PTK2B: variants seen among roughly 807,000 people sequenced by gnomAD.
The protein encoded by PTK2B is protein-tyrosine kinase 2-beta.
Under a neutral mutation model 142.9 loss-of-function variants are expected in PTK2B, and 71 were observed. The observed-to-expected ratio is 0.50, with a 90% CI of 0.41 to 0.61. The LOEUF is 0.61. PTK2B is among the 20% of genes least tolerant of loss of function. The probability of loss-of-function intolerance (pLI) is 0.00; values close to 1 mark genes in which losing one functional copy is unlikely to be tolerated. For synonymous variants in PTK2B, 519 were observed against 503.4 expected (o/e 1.03, Z -0.42); for missense variants, 1,105 against 1,320.4 (o/e 0.84, Z 2.53).
intron 1 of PTK2B, among the ~76,000 whole-genome samples, chr8:27,348,377 TC>T (rs1948893344): frequency 1.3e-5 from 2 of 152,132 alleles, no homozygotes; most frequent in Non-Finnish European, 2.9e-5. Flanking sequence ...CCAAGACCCC[TC>T]GGTCAAAGTA....
At position 27,459,279 on chromosome 8, in the gene PTK2B, C is replaced by T. The variant is rs1269865427; in HGVS notation, c.*770C>T. The T allele has an allele frequency of 8.6e-6, 2 of 233,674 alleles. No homozygotes were observed. Among genetic ancestry groups the T allele is most frequent in the African/African-American group, 4.4e-5 (2 of 45,354 alleles). 14.5% of individuals were successfully genotyped at this position (233,674 alleles called of 1,614,324 possible). ...TTTTCTTACTCCTCCTCTTTCTCTCCCCAACCCCCATTCTCATCTGCACCC... is the reference window on the plus strand; with the variant it reads ...TTTTCTTACTCCTCCTCTTTCTCTCTCCAACCCCCATTCTCATCTGCACCC... On this transcript the variant is annotated 3_prime_UTR_variant, in exon 31 of 31. Coordinates refer to ENST00000346049, the MANE Select transcript of PTK2B (RefSeq NM_173176.3).
At chr8:27,362,418 T>A (rs1805766689) in intron 1 of PTK2B, among the ~76,000 whole-genome samples, 1 of 152,186 alleles carries the variant, frequency 6.6e-6, no homozygotes, top group African/African-American at 2.4e-5. Context: ...GGAGAAGGGC[T>A]AAGGGTTTCT....
chr8:27,451,779 T>C, intron 27 of PTK2B: 3 of 1,318,916 alleles, frequency 2.3e-6, no homozygotes, highest in Non-Finnish European at 1.9e-6. Flanking sequence ...CTGCATTAGT[T>C]TGGAGGAGCT....
chr8:27,380,311 A>T (rs866473615), intron 1 of PTK2B, among the ~76,000 whole-genome samples: 1 of 152,074 alleles, frequency 6.6e-6, no homozygotes, highest in South Asian at 2.1e-4. Context: ...GGAAATTTTC[A>T]GCTGGGTTTT....
chr8:27,341,469 C>A (rs1165013191), intron 1 of PTK2B, among the ~76,000 whole-genome samples: 1 of 152,172 alleles, frequency 6.6e-6, no homozygotes, highest in Non-Finnish European at 1.5e-5. Flanking sequence ...CAGATAAGAA[C>A]AAGATGCACA....
rs1301618411 is a variant in PTK2B at position 27,431,473 on chromosome 8, G to A, written c.885+1G>A. ...CCAGCTGACTAGTCAGGACGCAAAG[G>A]TAGAGAGACCCGGGGCAGCCCCACC... On this transcript the variant is annotated splice_donor_variant, in intron 9 of 30. Transcript: ENST00000346049. LOFTEE classifies it high-confidence loss of function. 2 of 1,614,084 alleles carry A rather than the reference G, an allele frequency of 1.2e-6. No homozygotes were observed.
At chr8:27,418,262 G>A (rs1727064592) in intron 2 of PTK2B, among the ~76,000 whole-genome samples, 1 of 152,222 alleles carries the variant, frequency 6.6e-6, no homozygotes, top group South Asian at 2.1e-4. Flanking sequence ...GTCCAGAAGG[G>A]CTAGCAAGAG....
chr8:27,311,289 C>G, upstream of PTK2B: 1 of 1,447,712 alleles, frequency 6.9e-7, no homozygotes, highest in Non-Finnish European at 9.1e-7. Context: ...CCCTCCCACC[C>G]GCCCGGCTGC....
At chr8:27,315,508 C>G (rs929009386) in intron 3 of PTK2B, among the ~76,000 whole-genome samples, 4 of 152,114 alleles carry the variant, frequency 2.6e-5, no homozygotes, top group Admixed American at 6.5e-5. Context: ...GAGACTCTTA[C>G]GTCGTCTCAT....
chr8:27,328,185 AAGT>A (rs1286779135), intron 1 of PTK2B, among the ~76,000 whole-genome samples: 2 of 152,226 alleles, frequency 1.3e-5, no homozygotes, highest in Admixed American at 6.5e-5. Context: ...GAGTGACTCA[AAGT>A]AGAATTAACT....
Position 27,345,451 on chromosome 8 carries a change from G to A in PTK2B, c.-38+19770G>A, listed in dbSNP as rs907941614. Among the ~76,000 whole-genome samples the A allele has an allele frequency of 2.6e-5, 4 of 152,176 alleles. No individual in the cohort carries two copies. The East Asian group carries it at 7.7e-4, about 29-fold the overall frequency. On this transcript the variant is annotated intron_variant, in intron 1 of 30. Transcript: ENST00000346049. Reference sequence around the variant, plus strand: ...CCCATGTTGACATCTGGGCCACAGCGAGGACCTGCCTATCCCTGGGGAATG... The same window carrying A: ...CCCATGTTGACATCTGGGCCACAGCAAGGACCTGCCTATCCCTGGGGAATG...
chr8:27,368,506 T>A (rs1806151716), intron 1 of PTK2B, among the ~76,000 whole-genome samples: 1 of 152,108 alleles, frequency 6.6e-6, no homozygotes, highest in South Asian at 2.1e-4. Context: ...GAGTTCAATC[T>A]CCCTCCCCTA....
At chr8:27,310,840 G>A, upstream of PTK2B, 12 of 1,608,496 alleles carry the variant, frequency 7.5e-6, no homozygotes, top group Non-Finnish European at 1.0e-5. Context: ...GCTGCACGCG[G>A]TGCCCCTGGT....
chr8:27,367,524 C>T (rs1404821085), intron 1 of PTK2B, among the ~76,000 whole-genome samples: 1 of 152,206 alleles, frequency 6.6e-6, no homozygotes, highest in African/African-American at 2.4e-5. Flanking sequence ...CCAGGTCAGT[C>T]CCCAGCAAAT....
intron 1 of PTK2B, among the ~76,000 whole-genome samples, chr8:27,375,729 C>T (rs1417511510): frequency 6.6e-6 from 1 of 152,208 alleles, no homozygotes; most frequent in Non-Finnish European, 1.5e-5. Context: ...GTGGGCACCT[C>T]CCTCCTCCCC....
intron 21 of PTK2B, among the ~76,000 whole-genome samples, 198 bp downstream of exon 21, chr8:27,440,639 A>C (rs938627647): frequency 6.6e-6 from 1 of 152,244 alleles, no homozygotes; most frequent in Non-Finnish European, 1.5e-5. Flanking sequence ...TCATCTGGGC[A>C]TCTGTCAACA....
chr8:27,437,850 C>CCTA lies in PTK2B; in HGVS notation c.1615_1617dup (p.Tyr539dup), dbSNP rs1296512373. 6.2e-7 allele frequency: 1 copy of CCTA among 1,612,958 alleles called. No individual in the cohort carries two copies. Among genetic ancestry groups the CCTA allele is most frequent in the African/African-American group, 1.3e-5 (1 of 74,922 alleles). The stretch of plus-strand genomic sequence containing the variant: ...TCACTGCAGATATGCAAAGCCATGG[C>CCTA]CTACCTGGAGAGCATCAACTGCGTG... On this transcript the variant is annotated inframe_insertion, in exon 18 of 31. Coordinates refer to ENST00000346049, the MANE Select transcript of PTK2B (RefSeq NM_173176.3).
intron 1 of PTK2B, among the ~76,000 whole-genome samples, chr8:27,353,514 A>G (rs1805218790): frequency 6.6e-6 from 1 of 152,164 alleles, no homozygotes; most frequent in South Asian, 2.1e-4. Context: ...AGTGTGAGTA[A>G]ACACAGCTCC....
At chr8:27,398,156 C>T (rs911264133) in intron 2 of PTK2B, among the ~76,000 whole-genome samples, 2 of 152,236 alleles carry the variant, frequency 1.3e-5, no homozygotes, top group Non-Finnish European at 2.9e-5. Context: ...ATTAGAGATA[C>T]ACAAGTGATT....
Sources: gnomAD v4.1 joint callset for allele counts (sites outside exome capture counted in the v4.1 genomes callset) on GRCh38, gnomAD v4.1.1 for gene constraint, MANE v1.5 for transcripts, NCBI Gene and HGNC (gene_info 2026-07-23, HGNC 2026-07-21) for gene names.